Variants in PRKN observed in about 807,000 individuals in gnomAD.
The protein encoded by PRKN is parkin RBR E3 ubiquitin protein ligase.
Under a neutral mutation model 59.5 loss-of-function variants are expected in PRKN, and 56 were observed. That is an observed-to-expected ratio of 0.94 (90% confidence interval 0.76 to 1.18). The LOEUF is 1.18. Among genes scored for constraint, PRKN ranks in the 50% most tolerant of loss-of-function variants. The pLI is 0.00. For synonymous variants in PRKN, 250 were observed against 222.1 expected, an observed-to-expected ratio of 1.13 and a Z score of -1.12; for missense variants, 657 against 596.4, an observed-to-expected ratio of 1.10 and a Z score of -1.06.
rs1467641156 is a variant in PRKN at position 161,363,644 on chromosome 6, A to G, written c.1168-3439T>C. Among the ~76,000 whole-genome samples the G allele has an allele frequency of 6.6e-6, 1 of 152,190 alleles. No individual in the cohort carries two copies. Among genetic ancestry groups the G allele is most frequent in the Non-Finnish European group, 1.5e-5 (1 of 68,046 alleles). On this transcript the variant is annotated intron_variant, in intron 10 of 11. Coordinates refer to ENST00000366898, the MANE Select transcript of PRKN (RefSeq NM_004562.3). The surrounding 1 kb of genome is among the most constrained non-coding windows in gnomAD (Gnocchi z 4.1). Reference sequence around the variant, plus strand: ...GAAACAGTGTTTGGAGAGAGTGGCAAAAAAACACACAAATTATCTACAAAG... The same window carrying G: ...GAAACAGTGTTTGGAGAGAGTGGCAGAAAAACACACAAATTATCTACAAAG...
chr6:161,609,123 A>AGGTCCCATATGTCCAATTATGGGACAAC (rs2128145943), intron 7 of PRKN, among the ~76,000 whole-genome samples: 1 of 152,352 alleles, frequency 6.6e-6, no homozygotes, highest in Non-Finnish European at 1.5e-5. Context: ...TATGGGACAT[A>AGGTCCCATATGTCCAATTATGGGACAAC]GGTCCCATAT....
At chr6:161,770,631 C>T (rs1166413368) in intron 7 of PRKN, among the ~76,000 whole-genome samples, 2 of 152,028 alleles carry the variant, frequency 1.3e-5, no homozygotes. Flanking sequence ...CCACGCCCAA[C>T]TAATTTTTGT....
At chr6:161,700,289 C>G (rs1246444542) in intron 7 of PRKN, among the ~76,000 whole-genome samples, 2 of 152,094 alleles carry the variant, frequency 1.3e-5, no homozygotes, top group Non-Finnish European at 2.9e-5. Context: ...AACTTTCCTT[C>G]TAACCTCTTT....
rs1349080152 is a variant in PRKN, at chr6:161,483,303, A to G, written c.1083+65551T>C. Among the ~76,000 whole-genome samples the G allele has an allele frequency of 6.6e-6, 1 of 152,082 alleles. No individual in the cohort carries two copies. The highest frequency in any genetic ancestry group is 1.5e-5 in the Non-Finnish European group (1 of 68,014). On this transcript the variant is annotated intron_variant, in intron 9 of 11. Coordinates refer to ENST00000366898, the MANE Select transcript of PRKN (RefSeq NM_004562.3). The surrounding 1 kb of genome is among the most constrained non-coding windows in gnomAD (Gnocchi z 5.0). ...TGAATTGGCTTTGTATTTCAGGCCA[A>G]CTCCAAAGCACTGGTTAATAGTTAT... is the stretch of plus-strand genomic sequence containing the variant.
At chr6:161,890,183 T>G (rs1051294906) in intron 6 of PRKN, among the ~76,000 whole-genome samples, 17 of 152,210 alleles carry the variant, frequency 1.1e-4, no homozygotes, top group African/African-American at 4.1e-4. Flanking sequence ...TCTGAGAATG[T>G]TATCTTACTT....
intron 1 of PRKN, among the ~76,000 whole-genome samples, chr6:162,543,264 A>G (rs1031217332): frequency 6.6e-6 from 1 of 152,130 alleles, no homozygotes; most frequent in African/African-American, 2.4e-5. Flanking sequence ...TTGGACTATT[A>G]CATAGGCTAA....
chr6:161,987,493 G>A (rs1357946913), intron 5 of PRKN, among the ~76,000 whole-genome samples: 1 of 152,178 alleles, frequency 6.6e-6, no homozygotes, highest in Non-Finnish European at 1.5e-5. Flanking sequence ...ATAACATGGT[G>A]TAGTATTTGC....
chr6:161,519,009 C>T (rs1336509040), intron 9 of PRKN, among the ~76,000 whole-genome samples: 2 of 152,196 alleles, frequency 1.3e-5, no homozygotes, highest in African/African-American at 4.8e-5. Flanking sequence ...CTCGAGACTT[C>T]AGACAGAGAG....
chr6:162,541,389 G>A (rs1192439185), intron 1 of PRKN, among the ~76,000 whole-genome samples: 2 of 152,224 alleles, frequency 1.3e-5, no homozygotes, highest in Non-Finnish European at 2.9e-5. Context: ...GGCAAAGGCA[G>A]GGGCACAGGG....
At chr6:162,138,417 A>C (rs1781636271) in intron 4 of PRKN, among the ~76,000 whole-genome samples, 1 of 152,204 alleles carries the variant, frequency 6.6e-6, no homozygotes. Flanking sequence ...GACTAGCTCA[A>C]CTGTTGCCTG....
At chr6:161,719,369 G>T (rs1787126556) in intron 7 of PRKN, among the ~76,000 whole-genome samples, 1 of 152,116 alleles carries the variant, frequency 6.6e-6, no homozygotes, top group Non-Finnish European at 1.5e-5. Context: ...AGTGTAGGGT[G>T]GGCAAATGTT....
rs1178449461 is a variant in PRKN, at chr6:161,459,687, C to T, written c.1084-72810G>A. Reference sequence around the variant, plus strand: ...TCTCATCGCTGTTTAGAGGTTTCCACTTATATGTAGATTTGTCCAGGGTCC... The same window carrying T: ...TCTCATCGCTGTTTAGAGGTTTCCATTTATATGTAGATTTGTCCAGGGTCC... On this transcript the variant is annotated intron_variant, in intron 9 of 11. Transcript: ENST00000366898. The surrounding 1 kb of genome is among the most constrained non-coding windows in gnomAD (Gnocchi z 4.8). Among the ~76,000 whole-genome samples the T allele has an allele frequency of 1.3e-5, 2 of 152,190 alleles. No individual in the cohort carries two copies. Among genetic ancestry groups the T allele is most frequent in the Non-Finnish European group, 1.5e-5 (1 of 68,032 alleles).
chr6:161,866,823 G>A (rs1237797734), intron 6 of PRKN, among the ~76,000 whole-genome samples: 2 of 152,198 alleles, frequency 1.3e-5, no homozygotes, highest in Non-Finnish European at 2.9e-5. Flanking sequence ...GGACAGGGAG[G>A]AGCTGGTGGA....
intron 4 of PRKN, among the ~76,000 whole-genome samples, chr6:162,172,752 T>C (rs1158639807): frequency 6.6e-6 from 1 of 152,172 alleles, no homozygotes; most frequent in African/African-American, 2.4e-5. Flanking sequence ...TTCTTGGAAA[T>C]GAATCTGTCT....
In PRKN at chr6:161,405,459, T is replaced by C. The variant is rs1787222077; in HGVS notation, c.1084-18582A>G. ...CAGGCATGGTGGCACACATCTGTAATCCCAGCTACTTGGGAGGCTGGGGCA... is the reference window on the plus strand; with the variant it reads ...CAGGCATGGTGGCACACATCTGTAACCCCAGCTACTTGGGAGGCTGGGGCA... On this transcript the variant is annotated intron_variant, in intron 9 of 11. Coordinates refer to ENST00000366898, the MANE Select transcript of PRKN (RefSeq NM_004562.3). This position sits in a 1 kb window ranked among gnomAD's most constrained non-coding sequence, Gnocchi z 5.1. Among the ~76,000 whole-genome samples the C allele has an allele frequency of 1.3e-5, 2 of 151,956 alleles. No individual in the cohort carries two copies. Among genetic ancestry groups the C allele is most frequent in the South Asian group, 4.2e-4 (2 of 4,816 alleles).
intron 1 of PRKN, among the ~76,000 whole-genome samples, chr6:162,696,821 G>C (rs6933103): frequency 6.6e-6 from 1 of 151,960 alleles, no homozygotes; most frequent in Non-Finnish European, 1.5e-5. Flanking sequence ...GTTGGGACTA[G>C]AGGTATGAGC....
At chr6:162,676,412 C>T (rs1040776389) in intron 1 of PRKN, among the ~76,000 whole-genome samples, 1 of 151,894 alleles carries the variant, frequency 6.6e-6, no homozygotes, top group Non-Finnish European at 1.5e-5. Context: ...TTGGGCTTGC[C>T]AAATTTAAGA....
At chr6:161,712,259 C>G (rs1449281631) in intron 7 of PRKN, among the ~76,000 whole-genome samples, 1 of 152,142 alleles carries the variant, frequency 6.6e-6, no homozygotes, top group African/African-American at 2.4e-5. Flanking sequence ...ACTACTGACA[C>G]TTAAAATGGC....
At chr6:161,863,477 G>C (rs1404627550) in intron 6 of PRKN, among the ~76,000 whole-genome samples, 1 of 152,194 alleles carries the variant, frequency 6.6e-6, no homozygotes, top group African/African-American at 2.4e-5. Context: ...CCTTATTCCT[G>C]TGTGTGTACT....
Sources: gnomAD v4.1 joint callset for allele counts (sites outside exome capture counted in the v4.1 genomes callset) on GRCh38, gnomAD v4.1.1 for gene constraint, Gnocchi (gnomAD v3.1) non-coding constraint, MANE v1.5 for transcripts, NCBI Gene and HGNC (gene_info 2026-07-23, HGNC 2026-07-21) for gene names.